The following CFAP54 variants were observed in gnomAD, a reference collection of about 807,000 sequenced individuals.
CFAP54 encodes cilia and flagella associated protein 54.
CFAP54 carries 290 observed loss-of-function variants against 370.4 expected under a neutral mutation model. That is an observed-to-expected ratio of 0.78 (90% CI 0.71 to 0.86). The LOEUF (loss-of-function observed/expected upper bound fraction) is 0.86, where lower values mean the gene tolerates loss of function less well. CFAP54 is among the 40% of genes least tolerant of loss of function. The pLI is 0.00. For synonymous variants in CFAP54, 1,206 were observed against 1,236.5 expected (o/e 0.98, Z 0.52); for missense variants, 3,399 against 3,528.7 (o/e 0.96, Z 0.93).
intron 5 of CFAP54, among the ~76,000 whole-genome samples, chr12:96,515,912 G>T (rs74959724): frequency 3.2e-4 from 35 of 108,236 alleles, no homozygotes; most frequent in African/African-American, 5.2e-4. Context: ...TTACCTCTAT[G>T]TTTTTTTTTT....
intron 58 of CFAP54, among the ~76,000 whole-genome samples, chr12:96,759,696 T>C (rs192809796): frequency 6.6e-6 from 1 of 152,316 alleles, no homozygotes; most frequent in East Asian, 1.9e-4. Context: ...ATAGTACCTG[T>C]GTGGGTTTGA....
chr12:96,645,126 C>A (rs144695006), intron 33 of CFAP54: 14,291 of 456,270 alleles, frequency 0.031, 306 homozygotes, highest in Non-Finnish European at 0.043. Context: ...ATTTACTCAC[C>A]CAATGTCAAT....
intron 63 of CFAP54, among the ~76,000 whole-genome samples, chr12:96,799,638 C>T (rs57118771): frequency 0.027 from 4,076 of 152,272 alleles, 189 homozygotes; most frequent in African/African-American, 0.091. Context: ...GAAACTTTAG[C>T]ATATAACTCT....
chr12:96,542,558 T>A (rs1955588573), intron 14 of CFAP54, among the ~76,000 whole-genome samples: 1 of 152,152 alleles, frequency 6.6e-6, no homozygotes, highest in Admixed American at 6.5e-5. Context: ...ATTATCAACA[T>A]CTTTTCAATC....
At chr12:96,522,480 C>T (rs374051667) in intron 8 of CFAP54, among the ~76,000 whole-genome samples, 1 of 152,168 alleles carries the variant, frequency 6.6e-6, no homozygotes, top group Non-Finnish European at 1.5e-5. Context: ...AATGAATAGG[C>T]CTCTGAGTGG....
chr12:96,506,325 A>G lies in CFAP54; in HGVS notation c.568-603A>G, dbSNP rs566498366. The stretch of plus-strand genomic sequence containing the variant: ...TGCACTCCAACCTGGGAGACAGAGC[A>G]AGACTCCGTCTCAAAAAAAAAAAAA... On this transcript the variant is annotated intron_variant, in intron 3 of 67. Transcript: ENST00000524981. Among the ~76,000 whole-genome samples, 217 of 147,468 alleles carry G rather than the reference A, an allele frequency of 1.5e-3. 3 individuals are homozygous for G. The highest frequency in any genetic ancestry group is 1.9e-3 in the Non-Finnish European group (124 of 66,776).
intron 56 of CFAP54, among the ~76,000 whole-genome samples, chr12:96,756,084 A>G (rs1278725718): frequency 2.0e-5 from 3 of 152,172 alleles, no homozygotes; most frequent in Non-Finnish European, 4.4e-5. Context: ...GATGTTTTCT[A>G]TGATATCTGT....
rs535373160 is a variant in CFAP54, at chr12:96,561,502, A to AT, written c.2411-2958dup. ...AATACAGCCCCCATTATTCTTTGAG[A>AT]TTTTTTTTGCTTTCTGTGCAACAAA... On this transcript the variant is annotated intron_variant, in intron 17 of 67. Coordinates refer to ENST00000524981, the MANE Select transcript of CFAP54 (RefSeq NM_001306084.2). Among the ~76,000 whole-genome samples the AT allele has an allele frequency of 1.5e-4, 23 of 151,722 alleles. No homozygotes were observed. In the East Asian group the frequency reaches 2.1e-3, roughly 14 times the overall value.
At chr12:96,503,837 A>G in intron 2 of CFAP54, 49 bp from the exon 3 acceptor site, 1 of 1,361,136 alleles carries the variant, frequency 7.3e-7, no homozygotes, top group Non-Finnish European at 9.7e-7. Context: ...TAATAATGAT[A>G]AGCTAAATGA....
At chr12:96,802,258 C>A (rs563386899) in intron 63 of CFAP54, among the ~76,000 whole-genome samples, 1 of 152,246 alleles carries the variant, frequency 6.6e-6, no homozygotes, top group Non-Finnish European at 1.5e-5. Context: ...AGATTCTTGC[C>A]CATGCTGCTT....
chr12:96,505,890 T>C (rs866366466), intron 3 of CFAP54, among the ~76,000 whole-genome samples: 1 of 152,192 alleles, frequency 6.6e-6, no homozygotes, highest in African/African-American at 2.4e-5. Flanking sequence ...CTAAGAGCAG[T>C]GTCCGTTTCT....
At chr12:96,805,723 G>A (rs990872495) in intron 63 of CFAP54, among the ~76,000 whole-genome samples, 2 of 152,112 alleles carry the variant, frequency 1.3e-5, no homozygotes, top group African/African-American at 2.4e-5. Context: ...ATTGGATTCA[G>A]CAGTTCTACA....
At chr12:96,528,921 T>G (rs1478289674) in intron 9 of CFAP54, among the ~76,000 whole-genome samples, 1 of 152,220 alleles carries the variant, frequency 6.6e-6, no homozygotes, top group East Asian at 1.9e-4. Flanking sequence ...TTAAGACATT[T>G]GTTCTAAATT....
chr12:96,815,117 G>A (rs1958962614), intron 64 of CFAP54, among the ~76,000 whole-genome samples: 1 of 152,108 alleles, frequency 6.6e-6, no homozygotes, highest in African/African-American at 2.4e-5. Flanking sequence ...CTACATCCTT[G>A]AGGAATTGCC....
At chr12:96,662,077 C>A (rs1957001151) in intron 38 of CFAP54, among the ~76,000 whole-genome samples, 1 of 152,196 alleles carries the variant, frequency 6.6e-6, no homozygotes, top group Non-Finnish European at 1.5e-5. Flanking sequence ...CTCCAACACT[C>A]CCTCTTTAAT....
intron 20 of CFAP54, 63 bp from the exon 21 acceptor site, chr12:96,580,534 T>C: frequency 1.2e-6 from 1 of 821,794 alleles, no homozygotes; most frequent in Non-Finnish European, 1.7e-6. Flanking sequence ...TAGAAAAGTA[T>C]TTTTTTTGTT....
intron 39 of CFAP54, among the ~76,000 whole-genome samples, chr12:96,674,073 C>G (rs1242023880): frequency 2.6e-5 from 4 of 152,314 alleles, no homozygotes; most frequent in Admixed American, 2.0e-4. Flanking sequence ...CCTGGGATCA[C>G]TCTCTTGAGT....
In CFAP54 at chr12:96,500,920, A is replaced by T. The variant is rs1955018632; in HGVS notation, c.404A>T (p.Asp135Val). The stretch of plus-strand genomic sequence containing the variant: ...AACGAAAAGCTTCTGAAGGTTGGAG[A>T]TAGCCTTTGTCAAATGAAAGTAAGT... ...YYNEKLLKVG[D>V]SLCQMKEYKL... The change falls in exon 2 of 68, where the codon GAT (aspartate) becomes GTT (valine). Residue 135 changes from aspartate (D) to valine (V), a missense_variant. Physicochemically the swap from Asp to Val is radical, Grantham distance 152. Transcript: ENST00000524981. The T allele has an allele frequency of 6.5e-7, 1 of 1,534,986 alleles. No individual in the cohort carries two copies. Among genetic ancestry groups the T allele is most frequent in the African/African-American group, 1.4e-5 (1 of 73,028 alleles).
chr12:96,664,705 ATATATATATCTATATATATC>A (rs1276587192), intron 39 of CFAP54, among the ~76,000 whole-genome samples: 1 of 21,834 alleles, frequency 4.6e-5, no homozygotes, highest in Non-Finnish European at 7.6e-5. Flanking sequence ...ATCTATATAT[ATATATATATCTATATATATC>A]TATATATATA....
Sources: gnomAD v4.1 joint callset for allele counts (sites outside exome capture counted in the v4.1 genomes callset) on GRCh38, gnomAD v4.1.1 for gene constraint, MANE v1.5 for transcripts, NCBI Gene and HGNC (gene_info 2026-07-23, HGNC 2026-07-21) for gene names.